The following NFIA variants were observed in gnomAD, a reference collection of about 807,000 sequenced individuals.
NFIA encodes nuclear factor I A.
In NFIA, 8 loss-of-function variants were observed where a neutral mutation model predicts 62.8. That is an observed-to-expected ratio of 0.13 (90% confidence interval 0.07 to 0.23). NFIA has a LOEUF of 0.23. Ranked by LOEUF, NFIA falls within the 10% of genes least tolerant of loss-of-function variation. The probability of loss-of-function intolerance (pLI) is 1.00; values close to 1 mark genes in which losing one functional copy is unlikely to be tolerated. For synonymous variants in NFIA, 235 were observed against 238.1 expected, an observed-to-expected ratio of 0.99 and a Z score of 0.12; for missense variants, 410 against 642.1, an observed-to-expected ratio of 0.64 and a Z score of 3.91.
At chr1:61,406,541 C>CGGG in intron 8 of NFIA, 21 bp from the exon 9 acceptor site, 1 of 1,314,904 alleles carries the variant, frequency 7.6e-7, no homozygotes, top group Non-Finnish European at 1.0e-6. Context: ...CGTGTGTTTT[C>CGGG]TGCCCCCCCC....
At chr1:61,316,102 A>C (rs1419374496) in intron 3 of NFIA, among the ~76,000 whole-genome samples, 1 of 152,174 alleles carries the variant, frequency 6.6e-6, no homozygotes, top group Non-Finnish European at 1.5e-5. Flanking sequence ...CAAATTGTCG[A>C]GTTTATATTT....
At chr1:61,193,508 A>G (rs1225743227) in intron 2 of NFIA, among the ~76,000 whole-genome samples, 1 of 152,218 alleles carries the variant, frequency 6.6e-6, no homozygotes, top group Admixed American at 6.5e-5. Context: ...ATTAGGTGAA[A>G]CAAATAGTTT....
In NFIA at chr1:61,461,239, A is replaced by G. The variant is rs1237018995; in HGVS notation, c.*5919A>G. 1 of 152,158 alleles carries G rather than the reference A, an allele frequency of 6.6e-6. No homozygotes were observed. Among genetic ancestry groups the G allele is most frequent in the African/African-American group, 2.4e-5 (1 of 41,438 alleles). 9.4% of individuals were successfully genotyped at this position (152,158 alleles called of 1,614,324 possible). On this transcript the variant is annotated 3_prime_UTR_variant, in exon 11 of 11. Coordinates refer to ENST00000403491, the MANE Select transcript of NFIA (RefSeq NM_001134673.4). ...TGGACAATGTTCAAGCCAGGTACCC[A>G]TGCTTGATCTGTCTTCACACCAGAC...
At chr1:61,084,454 A>T (rs1348657276) in intron 1 of NFIA, among the ~76,000 whole-genome samples, 1 of 152,082 alleles carries the variant, frequency 6.6e-6, no homozygotes, top group Non-Finnish European at 1.5e-5. Flanking sequence ...AAACTTCCAA[A>T]GTTCCTATTT....
upstream of NFIA, among the ~76,000 whole-genome samples, chr1:61,078,670 A>C (rs1242379962): frequency 6.6e-6 from 1 of 152,228 alleles, no homozygotes; most frequent in Non-Finnish European, 1.5e-5. Flanking sequence ...ACACACTTGA[A>C]AGAAATTAGG....
intron 2 of NFIA, among the ~76,000 whole-genome samples, chr1:61,237,873 A>T (rs1298982556): frequency 6.6e-6 from 1 of 152,180 alleles, no homozygotes; most frequent in Non-Finnish European, 1.5e-5. Flanking sequence ...AAACCTCTTG[A>T]GATAGTTCTG....
At chr1:61,447,071 G>A (rs1667842857) in intron 10 of NFIA, among the ~76,000 whole-genome samples, 2 of 151,936 alleles carry the variant, frequency 1.3e-5, no homozygotes. Flanking sequence ...TCATTTCATA[G>A]CTCCCCAGGA....
intron 1 of NFIA, among the ~76,000 whole-genome samples, chr1:61,084,165 C>T (rs1040828481): frequency 5.3e-5 from 8 of 152,130 alleles, no homozygotes; most frequent in Non-Finnish European, 7.3e-5. Context: ...CACTTCTTGC[C>T]TTCATTTAGT....
intron 2 of NFIA, among the ~76,000 whole-genome samples, chr1:61,247,486 G>C (rs1655723787): frequency 6.6e-6 from 1 of 152,104 alleles, no homozygotes; most frequent in Non-Finnish European, 1.5e-5. Context: ...GCTACTTTCT[G>C]GGTCCTCGTT....
At chr1:61,182,472 C>T (rs1042383211) in intron 2 of NFIA, among the ~76,000 whole-genome samples, 1 of 152,176 alleles carries the variant, frequency 6.6e-6, no homozygotes, top group African/African-American at 2.4e-5. Context: ...AGCTTTGCAA[C>T]AAATTCAACT....
chr1:61,357,283 C>T (rs898242020), intron 5 of NFIA, among the ~76,000 whole-genome samples: 7 of 152,220 alleles, frequency 4.6e-5, no homozygotes, highest in African/African-American at 1.7e-4. Context: ...ACAGACACTG[C>T]CCTGCTTGCA....
chr1:61,186,726 G>A (rs936148973), intron 2 of NFIA, among the ~76,000 whole-genome samples: 1 of 152,118 alleles, frequency 6.6e-6, no homozygotes, highest in Non-Finnish European at 1.5e-5. Context: ...AATAGCAACG[G>A]ATACCTATGT....
chr1:61,204,578 A>G (rs2100594710), intron 2 of NFIA, among the ~76,000 whole-genome samples: 1 of 152,294 alleles, frequency 6.6e-6, no homozygotes, highest in Admixed American at 6.5e-5. Context: ...TATTCCTTAT[A>G]AAGACAAAGC....
chr1:61,108,050 A>C, intron 2 of NFIA, among the ~76,000 whole-genome samples: 1 of 151,670 alleles, frequency 6.6e-6, no homozygotes, highest in East Asian at 1.9e-4. Context: ...TCACTTACTA[A>C]GCCCTTATAA....
At chr1:61,092,450 T>C (rs1646336230) in intron 2 of NFIA, among the ~76,000 whole-genome samples, 1 of 152,184 alleles carries the variant, frequency 6.6e-6, no homozygotes, top group Admixed American at 6.5e-5. Flanking sequence ...CTACCATTAT[T>C]ACCTTTACTT....
chr1:61,226,621 A>G (rs1654349542), intron 2 of NFIA, among the ~76,000 whole-genome samples: 1 of 152,212 alleles, frequency 6.6e-6, no homozygotes, highest in South Asian at 2.1e-4. Flanking sequence ...GCTTTATTTC[A>G]TGCATTTGGC....
intron 2 of NFIA, among the ~76,000 whole-genome samples, chr1:61,122,472 C>CT (rs1646903376): frequency 6.6e-6 from 1 of 152,132 alleles, no homozygotes; most frequent in African/African-American, 2.4e-5. Flanking sequence ...CTATTCTCTC[C>CT]TGACATAAAA....
chr1:61,372,477 A>T (rs1663940765), intron 6 of NFIA, among the ~76,000 whole-genome samples: 1 of 152,082 alleles, frequency 6.6e-6, no homozygotes, highest in African/African-American at 2.4e-5. Context: ...TAAGTATTTA[A>T]CATAATTAGA....
At chr1:61,141,028 A>G (rs1055668811) in intron 2 of NFIA, among the ~76,000 whole-genome samples, 1 of 144,978 alleles carries the variant, frequency 6.9e-6, no homozygotes, top group African/African-American at 2.6e-5. Context: ...GAACGCCAAC[A>G]GAATGGAGAC....
Sources: allele counts gnomAD v4.1 joint callset (sites outside exome capture counted in the v4.1 genomes callset), GRCh38; gene constraint gnomAD v4.1.1; transcripts MANE v1.5; gene names NCBI Gene and HGNC (gene_info 2026-07-23, HGNC 2026-07-21).